The following CSMD1 variants were observed in gnomAD, a reference collection of about 807,000 sequenced individuals.
CSMD1 encodes CUB and Sushi multiple domains 1.
CSMD1 carries 213 observed loss-of-function variants against 417.5 expected under a neutral mutation model. The observed-to-expected ratio is 0.51, with a 90% CI of 0.46 to 0.57. The LOEUF (loss-of-function observed/expected upper bound fraction) is 0.57. CSMD1 is among the 20% of genes least tolerant of loss of function. CSMD1 has a pLI of 0.00. For missense variants in CSMD1, 6,923 were observed against 4,529.7 expected (o/e 1.53, Z -15.17); for synonymous variants, 2,862 against 1,736.8 (o/e 1.65, Z -16.11).
intron 6 of CSMD1, among the ~76,000 whole-genome samples, chr8:3,749,187 T>A (rs1001469985): frequency 6.6e-6 from 1 of 152,190 alleles, no homozygotes; most frequent in Non-Finnish European, 1.5e-5. Flanking sequence ...TAATTATAAT[T>A]AATGATGGAG....
intron 49 of CSMD1, among the ~76,000 whole-genome samples, chr8:3,065,984 G>C (rs1812913638): frequency 1.3e-5 from 2 of 152,096 alleles, no homozygotes. Flanking sequence ...TAAGCACAAT[G>C]GCAAATGACT....
At chr8:4,366,789 T>A (rs1016819972) in intron 3 of CSMD1, among the ~76,000 whole-genome samples, 9 of 152,156 alleles carry the variant, frequency 5.9e-5, no homozygotes, top group Admixed American at 1.3e-4. Context: ...ACATGTGCCA[T>A]GCTGCTGTGC....
At chr8:4,576,496 C>A (rs1407450310) in intron 2 of CSMD1, among the ~76,000 whole-genome samples, 4 of 152,168 alleles carry the variant, frequency 2.6e-5, no homozygotes, top group Non-Finnish European at 5.9e-5. Context: ...CATACAGTTT[C>A]TAATAAGTAA....
chr8:3,640,692 T>C (rs1266425104), intron 7 of CSMD1, among the ~76,000 whole-genome samples: 1 of 152,028 alleles, frequency 6.6e-6, no homozygotes, highest in African/African-American at 2.4e-5. Context: ...AAAAGGAGAG[T>C]GTGTGTCTAT....
chr8:3,185,581 A>T (rs1188285871), intron 36 of CSMD1, among the ~76,000 whole-genome samples: 1 of 152,272 alleles, frequency 6.6e-6, no homozygotes, highest in Non-Finnish European at 1.5e-5. Context: ...ATATTAGGAT[A>T]TATGAAATTA....
At chr8:3,181,086 G>A (rs1821291986) in intron 37 of CSMD1, 24 bp downstream of exon 37, 1 of 1,439,820 alleles carries the variant, frequency 6.9e-7, no homozygotes, top group Non-Finnish European at 9.8e-7. Context: ...AGTGGAAGCT[G>A]TATACAGAAA....
intron 4 of CSMD1, among the ~76,000 whole-genome samples, chr8:4,024,450 G>A (rs1184671237): frequency 2.6e-5 from 4 of 152,152 alleles, no homozygotes; most frequent in East Asian, 1.9e-4. Context: ...ATATGTTACT[G>A]ATCTTCAATG....
chr8:4,072,679 C>T (rs1044072821), intron 3 of CSMD1, among the ~76,000 whole-genome samples: 38 of 152,272 alleles, frequency 2.5e-4, no homozygotes, highest in African/African-American at 9.1e-4. Context: ...CTGTGGATCT[C>T]CTAGAATGAT....
chr8:3,773,745 C>T (rs186617804), intron 5 of CSMD1, among the ~76,000 whole-genome samples: 264 of 152,238 alleles, frequency 1.7e-3, no homozygotes, highest in African/African-American at 6.0e-3. Context: ...GCATGATGGG[C>T]GGTGACACTA....
At chr8:3,711,789 A>T (rs1290597109) in intron 6 of CSMD1, among the ~76,000 whole-genome samples, 4 of 152,198 alleles carry the variant, frequency 2.6e-5, no homozygotes, top group Admixed American at 6.6e-5. Flanking sequence ...TCTTGAAGTT[A>T]CTCAGGAGAG....
chr8:3,161,681 A>G (rs2129040191), intron 38 of CSMD1, among the ~76,000 whole-genome samples: 1 of 152,096 alleles, frequency 6.6e-6, no homozygotes, highest in East Asian at 1.9e-4. Context: ...AGTTCATTGA[A>G]AAACTTCTAC....
intron 14 of CSMD1, among the ~76,000 whole-genome samples, chr8:3,407,590 G>C (rs1197474086): frequency 1.3e-5 from 2 of 151,884 alleles, no homozygotes; most frequent in African/African-American, 2.4e-5. Context: ...TGGATGGATA[G>C]AATGATGGAT....
rs182313240 is a variant in CSMD1 at position 4,537,119 on chromosome 8, A to T, written c.302+100223T>A. On this transcript the variant is annotated intron_variant, in intron 2 of 69. Transcript: ENST00000635120. ...AAATGTGAACTATTTTCAAATATGCATTTATATGTAAAACTGTATTACAAT... is the reference window on the plus strand; with the variant it reads ...AAATGTGAACTATTTTCAAATATGCTTTTATATGTAAAACTGTATTACAAT... Among the ~76,000 whole-genome samples, 530 of 152,282 alleles carry T rather than the reference A, an allele frequency of 3.5e-3. 3 individuals carry two copies. The highest frequency in any genetic ancestry group is 0.012 in the African/African-American group (488 of 41,568).
chr8:4,471,479 G>A (rs748465235), intron 2 of CSMD1, among the ~76,000 whole-genome samples: 5 of 152,100 alleles, frequency 3.3e-5, no homozygotes, highest in African/African-American at 9.7e-5. Flanking sequence ...AGATGCATGT[G>A]CCTAACAAAA....
chr8:4,446,992 G>A (rs1046681817), intron 2 of CSMD1, among the ~76,000 whole-genome samples: 2 of 151,828 alleles, frequency 1.3e-5, no homozygotes, highest in Non-Finnish European at 2.9e-5. Context: ...TGGGTGGAGT[G>A]GTAAGAAACT....
At chr8:3,404,123 C>A (rs1039340576) in intron 15 of CSMD1, among the ~76,000 whole-genome samples, 3 of 152,086 alleles carry the variant, frequency 2.0e-5, no homozygotes, top group Non-Finnish European at 4.4e-5. Context: ...CCTCTGAGGT[C>A]AGGAGTTTGA....
chr8:4,690,451 G>A (rs759890354), intron 1 of CSMD1, among the ~76,000 whole-genome samples: 1 of 152,068 alleles, frequency 6.6e-6, no homozygotes, highest in Admixed American at 6.5e-5. Flanking sequence ...CAGAATTTAA[G>A]GAAATATCAA....
intron 3 of CSMD1, among the ~76,000 whole-genome samples, chr8:4,258,341 G>C (rs960394701): frequency 1.6e-4 from 12 of 73,712 alleles, no homozygotes; most frequent in African/African-American, 6.9e-4. Flanking sequence ...AGGGAGGGAG[G>C]GGAGGGAGAA....
At chr8:2,949,416 T>C in intron 67 of CSMD1, 30 bp from the exon 68 acceptor site, 6 of 200,186 alleles carry the variant, frequency 3.0e-5, no homozygotes, top group African/African-American at 8.6e-5. Flanking sequence ...AGAAAAGAAA[T>C]AAAAAGGTAT....
Sources: gnomAD v4.1 joint callset for allele counts (sites outside exome capture counted in the v4.1 genomes callset) on GRCh38, gnomAD v4.1.1 for gene constraint, MANE v1.5 for transcripts, NCBI Gene and HGNC (gene_info 2026-07-23, HGNC 2026-07-21) for gene names.